The following USP24 variants were observed in gnomAD, a reference collection of about 807,000 sequenced individuals.
USP24 encodes ubiquitin carboxyl-terminal hydrolase 24.
In USP24, 97 loss-of-function variants were observed where a neutral mutation model predicts 361.6. The observed-to-expected ratio is 0.27, with a 90% CI of 0.23 to 0.32. The LOEUF (loss-of-function observed/expected upper bound fraction) is 0.32, where lower values mean the gene tolerates loss of function less well. USP24 is among the 10% of genes least tolerant of loss of function. USP24 has a pLI of 1.00. For synonymous variants in USP24, 1,098 were observed against 1,124.6 expected (o/e 0.98, Z 0.47); for missense variants, 2,353 against 3,165.6 (o/e 0.74, Z 6.16).
intron 1 of USP24, among the ~76,000 whole-genome samples, chr1:55,202,114 T>C (rs989831496): frequency 2.6e-5 from 4 of 152,192 alleles, no homozygotes; most frequent in Non-Finnish European, 5.9e-5. Context: ...AAGTATCCTC[T>C]AAGAGCGCAT....
At chr1:55,123,651 C>A (rs575626525) in intron 35 of USP24, 49 bp from the exon 36 acceptor site, 3 of 1,492,804 alleles carry the variant, frequency 2.0e-6, no homozygotes, top group Non-Finnish European at 2.7e-6. Context: ...AGGAACTATG[C>A]AATATTTTAA....
At chr1:55,075,667 ACCACCACC>A (rs57413420) in intron 62 of USP24, 144 bp from the exon 63 acceptor site, 380,419 of 585,986 alleles carry the variant, frequency 0.65, 110,870 homozygotes, top group Middle Eastern at 0.73. Context: ...CAACAACAAC[ACCACCACC>A]ACCAATACAG....
intron 1 of USP24, among the ~76,000 whole-genome samples, chr1:55,193,972 G>A (rs2100888665): frequency 1.3e-5 from 2 of 152,266 alleles, no homozygotes; most frequent in South Asian, 4.1e-4. Context: ...ATACTTGAAA[G>A]TATTCCAATT....
intron 1 of USP24, among the ~76,000 whole-genome samples, chr1:55,192,819 T>C (rs369392590): frequency 2.0e-5 from 3 of 152,336 alleles, no homozygotes; most frequent in Non-Finnish European, 2.9e-5. Context: ...TATGAATACA[T>C]TGTGTCTGAA....
intron 55 of USP24, among the ~76,000 whole-genome samples, chr1:55,086,766 T>C (rs567931979): frequency 6.6e-6 from 1 of 152,312 alleles, no homozygotes; most frequent in East Asian, 1.9e-4. Flanking sequence ...TTTAAAATAC[T>C]TCAGAGAGAC....
chr1:55,147,508 T>C, intron 18 of USP24, 141 bp downstream of exon 18: 1 of 853,938 alleles, frequency 1.2e-6, no homozygotes. Context: ...AACACCAAGA[T>C]ACAAAACTGT....
chr1:55,195,454 G>C (rs796469210), intron 1 of USP24, among the ~76,000 whole-genome samples: 6 of 152,232 alleles, frequency 3.9e-5, no homozygotes, highest in African/African-American at 1.4e-4. Context: ...ATTTTCCAGA[G>C]GCTATGAATA....
At chr1:55,167,040 CTTTTCT>C (rs1373278388) in intron 5 of USP24, among the ~76,000 whole-genome samples, 3 of 152,074 alleles carry the variant, frequency 2.0e-5, no homozygotes, top group Non-Finnish European at 4.4e-5. Context: ...TCCTCTTTTT[CTTTTCT>C]TTTTGAGCAT....
chr1:55,184,067 G>T (rs987724022), intron 1 of USP24, among the ~76,000 whole-genome samples: 5 of 151,932 alleles, frequency 3.3e-5, no homozygotes, highest in South Asian at 2.1e-4. Context: ...TGTTTTGGGG[G>T]TTTTTTTGAG....
Position 55,094,409 on chromosome 1 carries a change from T to C in USP24, c.6204-322A>G, listed in dbSNP as rs150859829. Among the ~76,000 whole-genome samples the C allele has an allele frequency of 6.3e-3, 955 of 152,252 alleles. 7 individuals carry two copies. Among genetic ancestry groups the C allele is most frequent in the African/African-American group, 0.021 (884 of 41,560 alleles). On this transcript the variant is annotated intron_variant, in intron 51 of 67. Coordinates refer to ENST00000294383, the MANE Select transcript of USP24 (RefSeq NM_015306.3). ...GCACAAAATGAATTCTTCCTTCATA[T>C]TATTGTGAGATATCTTTCCCAGCCA...
chr1:55,138,040 C>T, intron 26 of USP24, 136 bp from the exon 27 acceptor site: 1 of 802,258 alleles, frequency 1.2e-6, no homozygotes, highest in Non-Finnish European at 1.9e-6. Context: ...AGACAAGAAC[C>T]CCTGCCCTCG....
At position 55,215,143 on chromosome 1, in the gene USP24, C is replaced by A; in HGVS notation, c.-30G>T. 8.2e-7 allele frequency: 1 copy of A among 1,224,040 alleles called. No homozygotes were observed. The highest frequency in any genetic ancestry group is 3.3e-5 in the East Asian group (1 of 30,580). 75.8% of individuals were successfully genotyped at this position (1,224,040 alleles called of 1,614,324 possible). A position where few individuals can be genotyped will look rare whatever the true frequency, so the allele number is the denominator to read the frequency against. On this transcript the variant is annotated 5_prime_UTR_variant, in exon 1 of 68. Transcript: ENST00000294383. ...TGGGCCTCCTGGCCGCCCCGGCCAG[C>A]GCACGGCGAAGCTACGGGTCCCGGG...
chr1:55,137,969 G>A lies in USP24; in HGVS notation c.2929-65C>T. 3 of 1,458,668 alleles carry A rather than the reference G, an allele frequency of 2.1e-6. No homozygotes were observed. The Admixed American group carries it at 5.9e-5, about 29-fold the overall frequency. 90.4% of individuals were successfully genotyped at this position (1,458,668 alleles called of 1,614,324 possible). A position where few individuals can be genotyped will look rare whatever the true frequency, so the allele number is the denominator to read the frequency against. On this transcript the variant is annotated intron_variant, in intron 26 of 67. Transcript: ENST00000294383. ...TATTTATTCATTTAAACAACTGTGA[G>A]TGAACATCTACTAGGTACTGGGCAC...
intron 61 of USP24, 61 bp from the exon 62 acceptor site, chr1:55,077,361 CA>C: frequency 7.1e-7 from 1 of 1,413,196 alleles, no homozygotes; most frequent in Admixed American, 2.1e-5. Context: ...TGGCAATTAA[CA>C]ATGCTGGATC....
intron 41 of USP24, among the ~76,000 whole-genome samples, chr1:55,105,910 T>A (rs879847588): frequency 9.8e-3 from 1 of 102 alleles, no homozygotes; most frequent in Admixed American, 0.12. Context: ...AGCCACATTT[T>A]TATTTGTTCT....
chr1:55,183,106 A>G (rs966758602), intron 1 of USP24, among the ~76,000 whole-genome samples: 9 of 152,208 alleles, frequency 5.9e-5, no homozygotes, highest in Admixed American at 1.3e-4. Context: ...TACGACAACC[A>G]AAAACAACAT....
intron 20 of USP24, among the ~76,000 whole-genome samples, chr1:55,145,426 G>A (rs1647002303): frequency 6.6e-6 from 1 of 152,212 alleles, no homozygotes; most frequent in African/African-American, 2.4e-5. Context: ...AGATCACAGT[G>A]TATGACTCCA....
chr1:55,084,154 G>A (rs1160976473), intron 56 of USP24, among the ~76,000 whole-genome samples: 4 of 152,094 alleles, frequency 2.6e-5, no homozygotes, highest in African/African-American at 4.8e-5. Flanking sequence ...CAATTCTACC[G>A]CTGAGTCACA....
chr1:55,161,465 C>G (rs962603376), intron 8 of USP24, among the ~76,000 whole-genome samples: 2 of 151,738 alleles, frequency 1.3e-5, no homozygotes, highest in Non-Finnish European at 2.9e-5. Flanking sequence ...TAAAATGGCC[C>G]TAAGTAAATG....
Sources: gnomAD v4.1 joint callset for allele counts (sites outside exome capture counted in the v4.1 genomes callset) on GRCh38, gnomAD v4.1.1 for gene constraint, MANE v1.5 for transcripts, NCBI Gene and HGNC (gene_info 2026-07-23, HGNC 2026-07-21) for gene names.